ZNF385D: variants seen among roughly 807,000 people sequenced by gnomAD.
ZNF385D encodes zinc finger protein 659.
Under a neutral mutation model 35.8 loss-of-function variants are expected in ZNF385D, and 15 were observed. The ratio of observed to expected loss-of-function variants is 0.42; its 90% CI spans 0.28 to 0.64. The LOEUF is 0.64. Ranked by LOEUF, ZNF385D falls within the 30% of genes least tolerant of loss-of-function variation. The probability of loss-of-function intolerance (pLI) is 0.23; values close to 1 mark genes in which losing one functional copy is unlikely to be tolerated. For synonymous variants in ZNF385D, 212 were observed against 186.8 expected, an observed-to-expected ratio of 1.13 and a Z score of -1.10; for missense variants, 474 against 494.6, an observed-to-expected ratio of 0.96 and a Z score of 0.39.
chr3:22,040,223 T>A (rs1177069073), intron 3 of ZNF385D, among the ~76,000 whole-genome samples: 1 of 152,178 alleles, frequency 6.6e-6, no homozygotes, highest in African/African-American at 2.4e-5. Context: ...TTATTAAACC[T>A]TTTACAAATT....
chr3:21,777,892 C>T (rs1009041431), intron 3 of ZNF385D: 7 of 151,754 alleles, frequency 4.6e-5, no homozygotes, highest in African/African-American at 1.7e-4. Flanking sequence ...AACAGAGACA[C>T]CCTAGCTAGC....
At position 21,496,492 on chromosome 3, in the gene ZNF385D, T is replaced by A. The variant is rs1405667234; in HGVS notation, c.439+14369A>T. Among the ~76,000 whole-genome samples, 5 of 141,654 alleles carry A rather than the reference T, an allele frequency of 3.5e-5. No homozygotes were observed. In the South Asian group the frequency reaches 6.5e-4, roughly 18 times the overall value. 92.9% of individuals were successfully genotyped at this position (141,654 alleles called of 152,430 possible). ...TATATATACATATATACACATATAT[T>A]TGATATATATATCATATATATATAC... On this transcript the variant is annotated intron_variant, in intron 4 of 7. Transcript: ENST00000281523.
At chr3:21,514,213 AT>A (rs1707415291) in intron 3 of ZNF385D, among the ~76,000 whole-genome samples, 2 of 152,106 alleles carry the variant, frequency 1.3e-5, no homozygotes, top group Non-Finnish European at 2.9e-5. Context: ...GAGGGTCGTC[AT>A]TGCCAGACAC....
intron 4 of ZNF385D, among the ~76,000 whole-genome samples, chr3:21,442,024 T>TGGGG (rs1156832659): frequency 3.3e-5 from 5 of 152,190 alleles, no homozygotes; most frequent in African/African-American, 1.2e-4. Context: ...CGTTGTGGAA[T>TGGGG]GGGGCTTCAG....
intron 3 of ZNF385D, among the ~76,000 whole-genome samples, chr3:22,123,985 TATATTGCTGACTGAACTCATCC>T (rs1703274038): frequency 7.0e-6 from 1 of 143,034 alleles, no homozygotes; most frequent in African/African-American, 2.6e-5. Context: ...TATATATATA[TATATTGCTGACTGAACTCATCC>T]TGTTGTGCAA....
chr3:22,046,243 A>T (rs987661964), intron 3 of ZNF385D, among the ~76,000 whole-genome samples: 2 of 149,914 alleles, frequency 1.3e-5, no homozygotes, highest in African/African-American at 4.8e-5. Flanking sequence ...TTTGTAGATT[A>T]GATAAACTTC....
chr3:21,636,367 T>A lies in ZNF385D; in HGVS notation c.165+28519A>T, dbSNP rs539102595. On this transcript the variant is annotated intron_variant, in intron 2 of 7. Coordinates refer to ENST00000281523, the MANE Select transcript of ZNF385D (RefSeq NM_024697.3). ...ACATATATATGATTATATATGATTATATATATATGATTATATATATATATA... is the reference window on the plus strand; with the variant it reads ...ACATATATATGATTATATATGATTAAATATATATGATTATATATATATATA... 6.4e-5 allele frequency among the ~76,000 whole-genome samples: 8 copies of A among 125,470 alleles called. No homozygotes were observed. In the East Asian group the frequency reaches 1.6e-3, roughly 26 times the overall value. 82.3% of individuals were successfully genotyped at this position (125,470 alleles called of 152,430 possible). A position where few individuals can be genotyped will look rare whatever the true frequency, so the allele number is the denominator to read the frequency against.
intron 3 of ZNF385D, among the ~76,000 whole-genome samples, chr3:21,981,390 G>C (rs886510963): frequency 2.0e-5 from 3 of 151,980 alleles, no homozygotes; most frequent in African/African-American, 7.2e-5. Context: ...GTCTGTTCAT[G>C]ACTGAACACT....
rs1700643294 is a variant in ZNF385D at position 21,419,346 on chromosome 3, A to G, written c.*1868T>C. On this transcript the variant is annotated 3_prime_UTR_variant, in exon 8 of 8. Transcript: ENST00000281523. ...TTTCTATAGCTAGATGGTGGAGAAG[A>G]ACTCCAAAAAACCATGTTTAATGTT... 1 of 152,078 alleles carries G rather than the reference A, an allele frequency of 6.6e-6. No individual in the cohort carries two copies. The highest frequency in any genetic ancestry group is 1.5e-5 in the Non-Finnish European group (1 of 68,000). The allele number at this position is 152,078 out of a possible 1,614,324, so 9.4% of individuals were successfully genotyped here.
intron 3 of ZNF385D, among the ~76,000 whole-genome samples, chr3:22,006,297 A>T (rs73822803): frequency 1.3e-5 from 2 of 152,122 alleles, no homozygotes; most frequent in African/African-American, 4.8e-5. Context: ...AAAAAAGTCA[A>T]TTGCAAATGG....
chr3:22,180,671 C>T (rs898216427), intron 2 of ZNF385D, among the ~76,000 whole-genome samples: 2 of 152,064 alleles, frequency 1.3e-5, no homozygotes, highest in Admixed American at 6.6e-5. Context: ...ATAAACAGAA[C>T]CAATGACAAA....
intron 2 of ZNF385D, among the ~76,000 whole-genome samples, chr3:22,358,475 A>G (rs1441820888): frequency 6.6e-6 from 1 of 151,828 alleles, no homozygotes; most frequent in African/African-American, 2.4e-5. Flanking sequence ...TATAGAGGAC[A>G]ATACAGCAGG....
Position 21,718,199 on chromosome 3 carries a change from G to C in ZNF385D, c.22+32696C>G, listed in dbSNP as rs372146012. On this transcript the variant is annotated intron_variant, in intron 1 of 7. Transcript: ENST00000281523. ...AGAAGTAAGCCATATGGGCCTTCTAGGCAAGCCCACTGGGAGATTTCTTGG... is the reference window on the plus strand; with the variant it reads ...AGAAGTAAGCCATATGGGCCTTCTACGCAAGCCCACTGGGAGATTTCTTGG... Among the ~76,000 whole-genome samples the C allele has an allele frequency of 4.3e-4, 65 of 152,296 alleles. No individual in the cohort carries two copies. In the South Asian group the frequency reaches 5.6e-3, roughly 13 times the overall value.
At chr3:22,237,088 A>G (rs565897242) in intron 2 of ZNF385D, among the ~76,000 whole-genome samples, 1 of 152,284 alleles carries the variant, frequency 6.6e-6, no homozygotes, top group East Asian at 1.9e-4. Flanking sequence ...TCCCTTTTTG[A>G]AGAACTGCCA....
intron 3 of ZNF385D, among the ~76,000 whole-genome samples, chr3:22,046,171 A>C (rs1698995716): frequency 6.6e-6 from 1 of 152,170 alleles, no homozygotes. Flanking sequence ...ATGGCCACTA[A>C]GAGGAAAAAG....
At chr3:21,778,082 T>A (rs371855519) in intron 3 of ZNF385D, among the ~76,000 whole-genome samples, 2 of 152,028 alleles carry the variant, frequency 1.3e-5, no homozygotes, top group East Asian at 1.9e-4. Context: ...AATGGCAAAC[T>A]AATATAATTC....
chr3:21,558,892 G>A (rs957966155), intron 3 of ZNF385D, among the ~76,000 whole-genome samples: 7 of 151,450 alleles, frequency 4.6e-5, no homozygotes, highest in African/African-American at 9.7e-5. Flanking sequence ...TCTTCTTGTT[G>A]TATTGATCCC....
At chr3:22,322,892 C>T (rs1694506791) in intron 2 of ZNF385D, among the ~76,000 whole-genome samples, 1 of 152,156 alleles carries the variant, frequency 6.6e-6, no homozygotes, top group Admixed American at 6.5e-5. Flanking sequence ...TTGTCATCTG[C>T]TAACAGCCCT....
intron 2 of ZNF385D, among the ~76,000 whole-genome samples, chr3:22,202,287 C>T (rs1052884557): frequency 6.6e-6 from 1 of 152,056 alleles, no homozygotes; most frequent in African/African-American, 2.4e-5. Context: ...TGTAAAAGGT[C>T]TTTGGAAGAA....
Sources: allele counts gnomAD v4.1 joint callset (sites outside exome capture counted in the v4.1 genomes callset), GRCh38; gene constraint gnomAD v4.1.1; transcripts MANE v1.5; gene names NCBI Gene and HGNC (gene_info 2026-07-23, HGNC 2026-07-21).